SGK3: variants seen among roughly 807,000 people sequenced by gnomAD.
SGK3 encodes the protein serine/threonine-protein kinase Sgk3.
Under a neutral mutation model 68.5 loss-of-function variants are expected in SGK3, and 47 were observed. That is an observed-to-expected ratio of 0.69 (90% CI 0.54 to 0.87). The LOEUF (loss-of-function observed/expected upper bound fraction) is 0.87, where lower values mean the gene tolerates loss of function less well. SGK3 is among the 40% of genes least tolerant of loss of function. The pLI is 0.00. For synonymous variants in SGK3, 181 were observed against 189.1 expected (o/e 0.96, Z 0.35); for missense variants, 479 against 575.5 (o/e 0.83, Z 1.72).
At chr8:66,742,164 A>T (rs1033374425) in intron 1 of SGK3, among the ~76,000 whole-genome samples, 1 of 152,252 alleles carries the variant, frequency 6.6e-6, no homozygotes, top group African/African-American at 2.4e-5. Context: ...TTACTGTAAT[A>T]GATCATGAAA....
intron 2 of SGK3, among the ~76,000 whole-genome samples, chr8:66,796,095 T>C (rs918168681): frequency 6.6e-5 from 10 of 152,200 alleles, no homozygotes; most frequent in Admixed American, 3.9e-4. Context: ...ACACAGATGC[T>C]GTGTTCAGCC....
At chr8:66,726,889 C>T (rs546710822) in intron 1 of SGK3, among the ~76,000 whole-genome samples, 2 of 151,014 alleles carry the variant, frequency 1.3e-5, no homozygotes, top group East Asian at 3.9e-4. Flanking sequence ...CTGTTATCTG[C>T]AGAACTGTCA....
intron 1 of SGK3, 112 bp downstream of exon 1, chr8:66,712,945 C>T (rs1394485906): frequency 6.6e-6 from 1 of 152,100 alleles, no homozygotes; most frequent in Non-Finnish European, 1.5e-5. Flanking sequence ...GCTGCCTGTC[C>T]TCGGAAAAAG....
At chr8:66,733,790 C>G (rs1223604326) in intron 1 of SGK3, among the ~76,000 whole-genome samples, 1 of 152,094 alleles carries the variant, frequency 6.6e-6, no homozygotes, top group African/African-American at 2.4e-5. Context: ...CCAACTTTTT[C>G]AATTTTAACT....
chr8:66,845,856 C>G (rs1056754952), intron 14 of SGK3, among the ~76,000 whole-genome samples: 16 of 151,742 alleles, frequency 1.1e-4, no homozygotes, highest in Non-Finnish European at 2.4e-4. Context: ...CTGTGCCTGG[C>G]GTCACTTTTT....
chr8:66,728,157 G>T (rs1056705217), intron 1 of SGK3, among the ~76,000 whole-genome samples: 1 of 152,030 alleles, frequency 6.6e-6, no homozygotes, highest in Non-Finnish European at 1.5e-5. Context: ...TCTCCTTCCA[G>T]CCAGCCCCAA....
At chr8:66,770,672 T>A (rs1313699473) in intron 1 of SGK3, among the ~76,000 whole-genome samples, 2 of 152,222 alleles carry the variant, frequency 1.3e-5, no homozygotes, top group Non-Finnish European at 2.9e-5. Flanking sequence ...TGCTATTCTG[T>A]CTAATGCTTT....
chr8:66,851,533 A>T (rs1364173780), intron 16 of SGK3, among the ~76,000 whole-genome samples: 3 of 143,620 alleles, frequency 2.1e-5, no homozygotes, highest in Non-Finnish European at 3.0e-5. Flanking sequence ...AATAAAATTA[A>T]AAAAAAAAAA....
chr8:66,798,420 G>T, intron 2 of SGK3, 122 bp from the exon 3 acceptor site: 3 of 699,222 alleles, frequency 4.3e-6, no homozygotes, highest in Non-Finnish European at 6.9e-6. Context: ...CATCAGCCTT[G>T]GTGAAAGAGC....
At chr8:66,801,507 G>A (rs972049811) in intron 3 of SGK3, among the ~76,000 whole-genome samples, 3 of 152,086 alleles carry the variant, frequency 2.0e-5, no homozygotes, top group African/African-American at 7.2e-5. Context: ...TGAAACTCTT[G>A]AATACCCATT....
intron 14 of SGK3, among the ~76,000 whole-genome samples, chr8:66,844,330 C>T (rs1809921788): frequency 6.6e-6 from 1 of 152,162 alleles, no homozygotes; most frequent in Non-Finnish European, 1.5e-5. Flanking sequence ...GGAGATCACT[C>T]TGTTCCCATC....
At chr8:66,739,555 C>A (rs905599067) in intron 1 of SGK3, among the ~76,000 whole-genome samples, 3 of 152,066 alleles carry the variant, frequency 2.0e-5, no homozygotes, top group African/African-American at 7.2e-5. Flanking sequence ...CCACCAGGCC[C>A]AGATAATTTT....
intron 1 of SGK3, among the ~76,000 whole-genome samples, chr8:66,721,839 A>G (rs969985865): frequency 2.0e-5 from 3 of 152,206 alleles, no homozygotes; most frequent in Non-Finnish European, 2.9e-5. Context: ...TAGAAAATAT[A>G]TGCAAAGTTC....
chr8:66,835,802 G>T lies in SGK3; in HGVS notation c.565G>T (p.Ala189Ser). 1 of 1,612,444 alleles carries T rather than the reference G, an allele frequency of 6.2e-7. No homozygotes were observed. The highest frequency in any genetic ancestry group is 8.5e-7 in the Non-Finnish European group (1 of 1,179,614). The change falls in exon 9 of 17, where the codon GCT (alanine) becomes TCT (serine). Residue 189 changes from alanine to serine, a missense_variant. Transcript: ENST00000521198. ...AKRKLDGKFY[A>S]VKVLQKKIVL... is the part of the protein sequence containing the mutation. ...ACGGAAACTGGATGGAAAATTTTAT[G>T]CTGTCAAAGTGTTACAGAAAAAAAT... is the stretch of plus-strand genomic sequence containing the variant.
intron 1 of SGK3, among the ~76,000 whole-genome samples, chr8:66,749,143 C>T (rs1393207695): frequency 1.3e-5 from 2 of 152,136 alleles, no homozygotes; most frequent in Non-Finnish European, 2.9e-5. Context: ...GGGATGGACC[C>T]ATATTGTATT....
intron 1 of SGK3, among the ~76,000 whole-genome samples, chr8:66,751,015 A>C (rs1805798503): frequency 1.3e-5 from 2 of 151,870 alleles, no homozygotes; most frequent in South Asian, 2.1e-4. Flanking sequence ...TCAAAAAAAA[A>C]AAGGCCAGGC....
intron 16 of SGK3, among the ~76,000 whole-genome samples, chr8:66,853,990 T>C (rs1810401593): frequency 1.3e-5 from 2 of 152,238 alleles, no homozygotes; most frequent in Non-Finnish European, 2.9e-5. Flanking sequence ...CGTATTTAGG[T>C]AGGATTTCAT....
chr8:66,737,940 A>G (rs1490850432), intron 1 of SGK3, among the ~76,000 whole-genome samples: 1 of 151,922 alleles, frequency 6.6e-6, no homozygotes, highest in African/African-American at 2.4e-5. Flanking sequence ...TTTATCCTTC[A>G]GAGTGGTATG....
chr8:66,822,339 T>C (rs1292953912), intron 5 of SGK3, 33 bp from the exon 6 acceptor site: 2 of 1,582,756 alleles, frequency 1.3e-6, no homozygotes, highest in Non-Finnish European at 1.7e-6. Flanking sequence ...GAAATGCTTT[T>C]GAAGTTATAA....
Sources: allele counts gnomAD v4.1 joint callset (sites outside exome capture counted in the v4.1 genomes callset), GRCh38; gene constraint gnomAD v4.1.1; transcripts MANE v1.5; gene names NCBI Gene and HGNC (gene_info 2026-07-23, HGNC 2026-07-21).